CNTN5: variants seen among roughly 807,000 people sequenced by gnomAD.
The protein encoded by CNTN5 is contactin-5.
Under a neutral mutation model 129.1 loss-of-function variants are expected in CNTN5, and 77 were observed. That is an observed-to-expected ratio of 0.60 (90% confidence interval 0.50 to 0.72). The LOEUF is 0.72. CNTN5 is among the 30% of genes least tolerant of loss of function. The probability of loss-of-function intolerance (pLI) is 0.00; values close to 1 mark genes in which losing one functional copy is unlikely to be tolerated. For synonymous variants in CNTN5, 509 were observed against 465.6 expected (o/e 1.09, Z -1.20); for missense variants, 1,478 against 1,328.8 (o/e 1.11, Z -1.75).
intron 8 of CNTN5, among the ~76,000 whole-genome samples, chr11:99,990,453 T>C (rs11222243): frequency 0.16 from 23,403 of 143,724 alleles, 1,971 homozygotes; most frequent in African/African-American, 0.19. Context: ...AATATATATA[T>C]ATACACACAC....
At chr11:99,637,999 G>A (rs748161411) in intron 3 of CNTN5, among the ~76,000 whole-genome samples, 2 of 151,972 alleles carry the variant, frequency 1.3e-5, no homozygotes, top group Non-Finnish European at 2.9e-5. Context: ...AGTCAATGGT[G>A]GACCACATAT....
intron 16 of CNTN5, among the ~76,000 whole-genome samples, chr11:100,252,925 C>T (rs759431289): frequency 2.0e-5 from 3 of 152,142 alleles, no homozygotes; most frequent in Non-Finnish European, 4.4e-5. Context: ...AATTCACACA[C>T]AGTCATTTCT....
intron 1 of CNTN5, among the ~76,000 whole-genome samples, chr11:99,314,473 G>T (rs548670372): frequency 1.3e-5 from 2 of 151,958 alleles, no homozygotes; most frequent in Non-Finnish European, 1.5e-5. Flanking sequence ...TCACTTGTTC[G>T]GTAGTGACTA....
intron 1 of CNTN5, among the ~76,000 whole-genome samples, chr11:99,281,331 G>T (rs1036273054): frequency 1.4e-4 from 21 of 152,084 alleles, no homozygotes; most frequent in African/African-American, 4.1e-4. Context: ...TAAATACCAT[G>T]AAACAAAACT....
chr11:100,036,577 A>T (rs1942024618), intron 9 of CNTN5, among the ~76,000 whole-genome samples: 2 of 145,972 alleles, frequency 1.4e-5, no homozygotes. Context: ...CATTTTCATG[A>T]TATTGATTCT....
chr11:100,068,802 T>C (rs1309838439), intron 10 of CNTN5, among the ~76,000 whole-genome samples: 10 of 152,156 alleles, frequency 6.6e-5, no homozygotes, highest in Non-Finnish European at 1.5e-4. Context: ...TATGCCAAAG[T>C]GGGGCTTCTA....
intron 1 of CNTN5, among the ~76,000 whole-genome samples, chr11:99,237,198 C>A (rs1476634685): frequency 6.6e-6 from 1 of 151,674 alleles, no homozygotes; most frequent in Non-Finnish European, 1.5e-5. Context: ...TTTATATTTT[C>A]TTTTGTTCAT....
intron 1 of CNTN5, among the ~76,000 whole-genome samples, chr11:99,172,991 G>A (rs1361343279): frequency 6.6e-6 from 1 of 152,204 alleles, no homozygotes; most frequent in African/African-American, 2.4e-5. Flanking sequence ...AAGGCAAGGA[G>A]GCGCAAGTCA....
At chr11:100,075,231 G>T (rs1944080244) in intron 13 of CNTN5, among the ~76,000 whole-genome samples, 1 of 152,038 alleles carries the variant, frequency 6.6e-6, no homozygotes, top group African/African-American at 2.4e-5. Flanking sequence ...CATCAAATCT[G>T]AGGGACACTG....
intron 8 of CNTN5, among the ~76,000 whole-genome samples, chr11:100,001,653 C>G (rs1939883366): frequency 6.6e-6 from 1 of 152,004 alleles, no homozygotes; most frequent in African/African-American, 2.4e-5. Context: ...TATAGATATT[C>G]AATAAATATT....
intron 15 of CNTN5, among the ~76,000 whole-genome samples, chr11:100,214,712 G>A (rs749701743): frequency 6.6e-6 from 1 of 152,114 alleles, no homozygotes; most frequent in Non-Finnish European, 1.5e-5. Context: ...TAACCCCGAA[G>A]CCAACGTCAA....
At chr11:99,661,043 GGATA>G (rs1469522226) in intron 3 of CNTN5, among the ~76,000 whole-genome samples, 3 of 152,022 alleles carry the variant, frequency 2.0e-5, no homozygotes, top group Non-Finnish European at 2.9e-5. Flanking sequence ...ATTTTAGTCA[GGATA>G]GATTGATGTT....
chr11:99,917,333 C>G (rs935265556), intron 7 of CNTN5, among the ~76,000 whole-genome samples: 3 of 152,042 alleles, frequency 2.0e-5, no homozygotes, highest in Admixed American at 6.6e-5. Context: ...CTATTCTTGC[C>G]TGCATCTAAA....
intron 9 of CNTN5, among the ~76,000 whole-genome samples, chr11:100,026,561 T>C (rs1081342): frequency 0.46 from 69,533 of 151,976 alleles, 16,089 homozygotes; most frequent in East Asian, 0.56. Flanking sequence ...TTGTCCATGT[T>C]CTGAATTTTG....
chr11:100,320,840 C>G (rs7104479), intron 21 of CNTN5, among the ~76,000 whole-genome samples: 4,325 of 152,144 alleles, frequency 0.028, 191 homozygotes, highest in African/African-American at 0.098. Flanking sequence ...GTGTTCTTGG[C>G]ACCTTTGTCA....
chr11:99,388,776 T>A (rs1198921611), intron 2 of CNTN5, among the ~76,000 whole-genome samples: 3 of 152,128 alleles, frequency 2.0e-5, no homozygotes, highest in Non-Finnish European at 4.4e-5. Context: ...TTTATAACCA[T>A]ACAAACTTGC....
chr11:99,618,965 T>C (rs1950844579), intron 3 of CNTN5, among the ~76,000 whole-genome samples: 1 of 152,182 alleles, frequency 6.6e-6, no homozygotes, highest in South Asian at 2.1e-4. Flanking sequence ...GTTTTATTAA[T>C]CAATGAGTCT....
At chr11:99,663,674 G>C in intron 3 of CNTN5, among the ~76,000 whole-genome samples, 1 of 152,020 alleles carries the variant, frequency 6.6e-6, no homozygotes. Flanking sequence ...AGATCTGATG[G>C]TTCTATAACG....
At chr11:99,483,892 A>G (rs1156808242) in intron 2 of CNTN5, among the ~76,000 whole-genome samples, 2 of 152,144 alleles carry the variant, frequency 1.3e-5, no homozygotes, top group Admixed American at 6.6e-5. Flanking sequence ...TTCTCACCCT[A>G]TACAAAAATT....
Sources: gnomAD v4.1 joint callset for allele counts (sites outside exome capture counted in the v4.1 genomes callset) on GRCh38, gnomAD v4.1.1 for gene constraint, MANE v1.5 for transcripts, NCBI Gene and HGNC (gene_info 2026-07-23, HGNC 2026-07-21) for gene names.